ITGA2: variants seen among roughly 807,000 people sequenced by gnomAD.
ITGA2 encodes integrin subunit alpha 2.
In ITGA2, 101 loss-of-function variants were observed where a neutral mutation model predicts 146.3. The ratio of observed to expected loss-of-function variants is 0.69; its 90% CI spans 0.59 to 0.81. The LOEUF (loss-of-function observed/expected upper bound fraction) is 0.81, where lower values mean the gene tolerates loss of function less well. ITGA2 is among the 40% of genes least tolerant of loss of function. ITGA2 has a pLI of 0.00. For missense variants in ITGA2, 1,281 were observed against 1,402.7 expected (o/e 0.91, Z 1.39); for synonymous variants, 477 against 487.1 (o/e 0.98, Z 0.27).
intron 21 of ITGA2, 69 bp from the exon 22 acceptor site, chr5:53,074,992 A>ATT: frequency 4.2e-6 from 4 of 953,274 alleles, no homozygotes; most frequent in Non-Finnish European, 6.5e-6. Context: ...TATGAGAAAC[A>ATT]TTTTTTTTTT....
At chr5:53,023,988 A>G (rs1742811620) in intron 1 of ITGA2, among the ~76,000 whole-genome samples, 1 of 152,350 alleles carries the variant, frequency 6.6e-6, no homozygotes, top group Middle Eastern at 3.4e-3. Flanking sequence ...TTTAGTATCA[A>G]TGGAATGAAG....
At chr5:53,017,992 C>G (rs1481105088) in intron 1 of ITGA2, among the ~76,000 whole-genome samples, 3 of 152,004 alleles carry the variant, frequency 2.0e-5, no homozygotes, top group Non-Finnish European at 4.4e-5. Context: ...CCTCTGATGG[C>G]CAGGCATGGT....
intron 1 of ITGA2, among the ~76,000 whole-genome samples, chr5:53,021,609 G>T (rs1742687243): frequency 6.6e-6 from 1 of 152,178 alleles, no homozygotes; most frequent in South Asian, 2.1e-4. Flanking sequence ...ACTATCCTCT[G>T]CCCTCTTCCC....
intron 4 of ITGA2, 118 bp from the exon 5 acceptor site, chr5:53,048,245 T>A (rs1744186741): frequency 1.2e-6 from 1 of 809,906 alleles, no homozygotes; most frequent in Non-Finnish European, 2.1e-6. Flanking sequence ...TGGTTTTGAG[T>A]TGACAATTAT....
intron 1 of ITGA2, among the ~76,000 whole-genome samples, chr5:53,005,779 C>A (rs1402960057): frequency 6.6e-6 from 1 of 152,052 alleles, no homozygotes; most frequent in Non-Finnish European, 1.5e-5. Flanking sequence ...TAAACATATA[C>A]ATGATATCTA....
At chr5:53,023,022 C>T (rs948150533) in intron 1 of ITGA2, among the ~76,000 whole-genome samples, 1 of 152,190 alleles carries the variant, frequency 6.6e-6, no homozygotes, top group Non-Finnish European at 1.5e-5. Flanking sequence ...TACTGGAATA[C>T]TTTGGCCTGG....
At chr5:53,083,542 A>G in intron 27 of ITGA2, 89 bp downstream of exon 27, 2 of 846,730 alleles carry the variant, frequency 2.4e-6, no homozygotes, top group Non-Finnish European at 4.0e-6. Context: ...CAAAATAAGT[A>G]TTCTGGCTAA....
intron 1 of ITGA2, among the ~76,000 whole-genome samples, chr5:52,995,474 A>T (rs1238887191): frequency 6.6e-6 from 1 of 152,164 alleles, no homozygotes; most frequent in Non-Finnish European, 1.5e-5. Flanking sequence ...AGTGAACAGG[A>T]TTTGATGATT....
At chr5:53,073,324 A>G (rs1423813151) in intron 20 of ITGA2, 65 bp downstream of exon 20, 19 of 1,555,910 alleles carry the variant, frequency 1.2e-5, no homozygotes, top group African/African-American at 4.1e-5. Context: ...TGTCTTCTCT[A>G]TGTCCTCTGA....
chr5:53,054,397 C>T (rs1297418251), intron 7 of ITGA2, among the ~76,000 whole-genome samples: 1 of 152,134 alleles, frequency 6.6e-6, no homozygotes, highest in East Asian at 1.9e-4. Flanking sequence ...ATAGAATGCT[C>T]TGATTTTTTT....
At chr5:53,039,920 A>G (rs1258680030) in intron 2 of ITGA2, among the ~76,000 whole-genome samples, 4 of 151,964 alleles carry the variant, frequency 2.6e-5, no homozygotes, top group Admixed American at 2.6e-4. Context: ...CAGAATTCCT[A>G]GCCCTCATGT....
intron 7 of ITGA2, 97 bp from the exon 8 acceptor site, chr5:53,055,441 T>C (rs1344812746): frequency 2.8e-6 from 3 of 1,071,708 alleles, no homozygotes; most frequent in Non-Finnish European, 4.3e-6. Flanking sequence ...AGATTGTGTT[T>C]AAAGAAGCTA....
chr5:53,039,309 G>GA (rs34190363), intron 2 of ITGA2, among the ~76,000 whole-genome samples: 18 of 151,918 alleles, frequency 1.2e-4, no homozygotes, highest in Admixed American at 5.9e-4. Context: ...TTTTGTTTGA[G>GA]AAAAAAAATG....
At chr5:53,087,926 T>C (rs1174933086) in intron 28 of ITGA2, among the ~76,000 whole-genome samples, 4 of 152,220 alleles carry the variant, frequency 2.6e-5, no homozygotes, top group African/African-American at 9.6e-5. Context: ...CCATGAACTA[T>C]GGGCCTCCTC....
At chr5:53,067,895 G>A (rs1745217000) in intron 16 of ITGA2, among the ~76,000 whole-genome samples, 1 of 151,866 alleles carries the variant, frequency 6.6e-6, no homozygotes, top group Admixed American at 6.6e-5. Flanking sequence ...CCTGGCAGAG[G>A]TCCTGCCTCC....
chr5:53,073,089 T>C (rs777857279), intron 19 of ITGA2, 29 bp from the exon 20 acceptor site: 2 of 1,607,332 alleles, frequency 1.2e-6, no homozygotes, highest in African/African-American at 2.7e-5. Context: ...CAGTAATGGC[T>C]TTTCCCCCCT....
intron 11 of ITGA2, 126 bp downstream of exon 11, chr5:53,060,138 C>T (rs1744835145): frequency 2.1e-6 from 2 of 973,652 alleles, no homozygotes; most frequent in South Asian, 1.3e-5. Context: ...ATTTATTACA[C>T]ATACATATGT....
intron 2 of ITGA2, among the ~76,000 whole-genome samples, chr5:53,032,996 G>A (rs539922675): frequency 2.6e-5 from 4 of 152,240 alleles, no homozygotes; most frequent in East Asian, 1.9e-4. Flanking sequence ...GGCTGGGCTC[G>A]GTGGCTCATG....
rs562268753 is a variant in ITGA2 at position 53,058,225 on chromosome 5, G to T, written c.1173+124G>T. On this transcript the variant is annotated intron_variant, in intron 10 of 29. Coordinates refer to ENST00000296585, the MANE Select transcript of ITGA2 (RefSeq NM_002203.4). ...ATCAGCCCTTCTGATTCCTAGTCAC[G>T]GTCATTTAGTTTCTTTGTGCTGCTG... 1.5e-5 allele frequency: 11 copies of T among 757,374 alleles called. No individual in the cohort carries two copies. The African/African-American group carries it at 1.7e-4, about 12-fold the overall frequency. 46.9% of individuals were successfully genotyped at this position (757,374 alleles called of 1,614,324 possible). A position where few individuals can be genotyped will look rare whatever the true frequency, so the allele number is the denominator to read the frequency against.
Sources: gnomAD v4.1 joint callset for allele counts (sites outside exome capture counted in the v4.1 genomes callset) on GRCh38, gnomAD v4.1.1 for gene constraint, MANE v1.5 for transcripts, NCBI Gene and HGNC (gene_info 2026-07-23, HGNC 2026-07-21) for gene names.